HSPA13: variants seen among roughly 807,000 people sequenced by gnomAD.
HSPA13 encodes the protein heat shock 70 kDa protein 13.
Under a neutral mutation model 38.8 loss-of-function variants are expected in HSPA13, and 29 were observed. The observed-to-expected ratio is 0.75, with a 90% CI of 0.56 to 1.02. The LOEUF is 1.02. Among genes scored for constraint, HSPA13 ranks in the 50% least tolerant of loss-of-function variants. HSPA13 has a pLI of 0.00. For synonymous variants in HSPA13, 192 were observed against 205.3 expected (o/e 0.94, Z 0.56); for missense variants, 451 against 560.9 (o/e 0.80, Z 1.98).
At chr21:14,381,638 C>G (rs1984173276) in intron 1 of HSPA13, 95 bp from the exon 2 acceptor site, 1 of 1,145,556 alleles carries the variant, frequency 8.7e-7, no homozygotes, top group Non-Finnish European at 1.2e-6. Flanking sequence ...CTCGTTGAAA[C>G]AAGGCTAAAA....
At chr21:14,374,931 G>GT (rs1983982491) in intron 4 of HSPA13, among the ~76,000 whole-genome samples, 1 of 151,984 alleles carries the variant, frequency 6.6e-6, no homozygotes, top group South Asian at 2.1e-4. Context: ...AAGGAAAAGA[G>GT]TAGTGTAATA....
At position 14,383,109 on chromosome 21, in the gene HSPA13, T is replaced by C. The variant is rs1292555692; in HGVS notation, c.11A>G (p.Glu4Gly). The change falls in exon 1 of 5, where the codon GAG (glutamate) becomes GGG (glycine). Residue 4 changes from glutamate to glycine, a missense_variant. Glu to Gly is a moderately conservative substitution (Grantham distance 98). Transcript: ENST00000285667. The part of the protein sequence containing the change: MAR[E>G]MTILGSAVLT... ...CGGGAACCCACCTAAGATCGTCATCTCTCTGGCCATCACAGTCCCGCCGAA... is the reference window on the plus strand; with the variant it reads ...CGGGAACCCACCTAAGATCGTCATCCCTCTGGCCATCACAGTCCCGCCGAA... 4 of 1,613,912 alleles carry C rather than the reference T, an allele frequency of 2.5e-6. No individual in the cohort carries two copies. The highest frequency in any genetic ancestry group is 3.4e-6 in the Non-Finnish European group (4 of 1,179,964).
intron 2 of HSPA13, 61 bp downstream of exon 2, chr21:14,381,142 G>T: frequency 8.0e-7 from 1 of 1,249,332 alleles, no homozygotes; most frequent in Non-Finnish European, 1.1e-6. Flanking sequence ...GTGACATGAA[G>T]CCAAAGCATT....
At chr21:14,376,463 G>A (rs1392693177) in intron 3 of HSPA13, among the ~76,000 whole-genome samples, 1 of 152,132 alleles carries the variant, frequency 6.6e-6, no homozygotes, top group African/African-American at 2.4e-5. Flanking sequence ...ATCACTAAGT[G>A]CTATGGAAAT....
Position 14,381,274 on chromosome 21 carries a change from C to T in HSPA13, c.295G>A (p.Ala99Thr). Residue 99 changes from alanine (A) to threonine (T), a missense_variant, in exon 2 of 5, where the codon GCC becomes ACC. Ala to Thr is a moderately conservative substitution (Grantham distance 58). Transcript: ENST00000285667. ...DSNPQNTIYD[A>T]KRFIGKIFTA... ...AAAATCTTGCCTATGAATCTTTTGG[C>T]ATCATATATTGTGTTTTGAGGATTT... 6.2e-7 allele frequency: 1 copy of T among 1,613,350 alleles called. No individual in the cohort carries two copies. The highest frequency in any genetic ancestry group is 8.5e-7 in the Non-Finnish European group (1 of 1,179,438).
chr21:14,381,880 A>G (rs1344394577), intron 1 of HSPA13, among the ~76,000 whole-genome samples: 1 of 152,232 alleles, frequency 6.6e-6, no homozygotes, highest in Non-Finnish European at 1.5e-5. Context: ...CTGGAGCAAA[A>G]GCCAGATATA....
intron 4 of HSPA13, 93 bp downstream of exon 4, chr21:14,375,559 C>G: frequency 1.1e-6 from 1 of 877,058 alleles, no homozygotes; most frequent in Non-Finnish European, 1.8e-6. Context: ...GTCTCGATCT[C>G]CCCATCTCGT....
In HSPA13 at chr21:14,378,270, G is replaced by C. The variant is rs779022297; in HGVS notation, c.509C>G (p.Ala170Gly). 3.1e-6 allele frequency: 5 copies of C among 1,614,098 alleles called. No homozygotes were observed. The change falls in exon 3 of 5, where the codon GCT becomes GGT. Residue 170 changes from alanine to glycine, a missense_variant. By Grantham distance (60) the Ala-to-Gly change is moderately conservative (BLOSUM62 0). Coordinates refer to ENST00000285667, the MANE Select transcript of HSPA13 (RefSeq NM_006948.5). ...AAATTCTGCTGGTACAGAAATGACA[G>C]CATTGGCAACTGGCATTCCAAGATA... Reference protein sequence around the residue: ...EAYLGMPVANAVISVPAEFDL... With the variant: ...EAYLGMPVANGVISVPAEFDL...
rs9982684 is a variant in HSPA13, at chr21:14,383,007, A to G, written c.25+88T>C. ...CCCTTCCGCTGCTCCAGCTAGATCC[A>G]GGAGGTGAGTCAACCACCCCTGCCC... On this transcript the variant is annotated intron_variant, in intron 1 of 4. Transcript: ENST00000285667. The G allele has an allele frequency of 2.8e-3, 3,959 of 1,425,996 alleles. 90 individuals are homozygous for G. The African/African-American group carries it at 0.051, about 18-fold the overall frequency. 88.3% of individuals were successfully genotyped at this position (1,425,996 alleles called of 1,614,324 possible).
Position 14,375,726 on chromosome 21 carries a change from T to C in HSPA13, c.674A>G (p.Asp225Gly). Residue 225 changes from aspartate to glycine, a missense_variant, in exon 4 of 5, where the codon GAC becomes GGC. Transcript: ENST00000285667. The stretch of plus-strand genomic sequence containing the variant: ...CACATCTAGAGTTCCTCCGCCCAAG[T>C]CTATCACCAAGACGTGGAAGACGTC... ...KADVFHVLVI[D>G]LGGGTLDVSL... The C allele has an allele frequency of 6.2e-7, 1 of 1,614,100 alleles. No individual in the cohort carries two copies. Among genetic ancestry groups the C allele is most frequent in the East Asian group, 2.2e-5 (1 of 44,868 alleles).
rs982250285 is a variant in HSPA13, at chr21:14,383,129, G to A, written c.-10C>T. 8 of 1,613,808 alleles carry A rather than the reference G, an allele frequency of 5.0e-6. No homozygotes were observed. The Admixed American group carries it at 1.0e-4, about 20-fold the overall frequency. ...TCATCTCTCTGGCCATCACAGTCCC[G>A]CCGAACAGGCTTGTGATGACTGTAC... On this transcript the variant is annotated 5_prime_UTR_variant, in exon 1 of 5. Transcript: ENST00000285667.
At chr21:14,378,959 C>T (rs191704862) in intron 2 of HSPA13, among the ~76,000 whole-genome samples, 100 of 152,092 alleles carry the variant, frequency 6.6e-4, no homozygotes, top group African/African-American at 2.1e-3. Context: ...TTCATCACCA[C>T]GCACATGACT....
rs1190226153 is a variant in HSPA13 at position 14,373,017 on chromosome 21, C to G, written c.*600G>C. ...ATTCATCTATTAAACACATAAAACT[C>G]CTGGAGAATGCAGATTACAAGAATA... On this transcript the variant is annotated 3_prime_UTR_variant, in exon 5 of 5. Coordinates refer to ENST00000285667, the MANE Select transcript of HSPA13 (RefSeq NM_006948.5). The G allele has an allele frequency of 2.0e-5, 3 of 152,190 alleles. No homozygotes were observed. Among genetic ancestry groups the G allele is most frequent in the Non-Finnish European group, 4.4e-5 (3 of 68,070 alleles). The allele number at this position is 152,190 out of a possible 1,614,324, so 9.4% of individuals were successfully genotyped here. A position where few individuals can be genotyped will look rare whatever the true frequency, so the allele number is the denominator to read the frequency against.
intron 3 of HSPA13, among the ~76,000 whole-genome samples, chr21:14,376,393 G>A (rs1375388887): frequency 1.3e-5 from 2 of 152,062 alleles, no homozygotes; most frequent in Non-Finnish European, 2.9e-5. Flanking sequence ...AGCCTGGGCA[G>A]CAGAGTGAGA....
intron 2 of HSPA13, among the ~76,000 whole-genome samples, chr21:14,379,320 C>A (rs879431433): frequency 6.6e-6 from 1 of 152,094 alleles, no homozygotes; most frequent in Non-Finnish European, 1.5e-5. Context: ...TACCAAGATT[C>A]TATTAATATA....
At position 14,374,288 on chromosome 21, in the gene HSPA13, A is replaced by G; in HGVS notation, c.749-4T>C. ...TGTCCTCCAAGTTTATTGTTTCCTG[A>G]GTGAAAAATAAAAGTTTAATATAGT... On this transcript the variant is annotated splice_polypyrimidine_tract_variant and splice_region_variant and intron_variant, in intron 4 of 4. Transcript: ENST00000285667. The G allele has an allele frequency of 6.3e-7, 1 of 1,599,004 alleles. No homozygotes were observed. The highest frequency in any genetic ancestry group is 2.2e-5 in the East Asian group (1 of 44,746).
At chr21:14,380,255 A>G (rs527338884) in intron 2 of HSPA13, among the ~76,000 whole-genome samples, 1 of 151,908 alleles carries the variant, frequency 6.6e-6, no homozygotes, top group South Asian at 2.1e-4. Context: ...AAACTTTGAC[A>G]TCCAGCTCAA....
rs1339764404 is a variant in HSPA13 at position 14,373,194 on chromosome 21, C to G, written c.*423G>C. ...TCAACACGGTCCTTCAAGTATAGTT[C>G]AAATTATTAGTTACATGTGATAATA... is the stretch of plus-strand genomic sequence containing the variant. On this transcript the variant is annotated 3_prime_UTR_variant, in exon 5 of 5. Coordinates refer to ENST00000285667, the MANE Select transcript of HSPA13 (RefSeq NM_006948.5). 1.2e-5 allele frequency: 2 copies of G among 162,866 alleles called. No individual in the cohort carries two copies. The highest frequency in any genetic ancestry group is 4.8e-5 in the African/African-American group (2 of 41,556). 10.1% of individuals were successfully genotyped at this position (162,866 alleles called of 1,614,324 possible).
chr21:14,382,997 A>T, intron 1 of HSPA13, 98 bp downstream of exon 1: 1 of 1,368,368 alleles, frequency 7.3e-7, no homozygotes, highest in Non-Finnish European at 1.0e-6. Context: ...CCGCTGCTCC[A>T]GCTAGATCCA....
Sources: allele counts gnomAD v4.1 joint callset (sites outside exome capture counted in the v4.1 genomes callset), GRCh38; gene constraint gnomAD v4.1.1; transcripts MANE v1.5; gene names NCBI Gene and HGNC (gene_info 2026-07-23, HGNC 2026-07-21).